TRIM67: variants seen among roughly 807,000 people sequenced by gnomAD.
TRIM67 encodes tripartite motif-containing protein 67.
A neutral mutation model predicts 71.0 loss-of-function variants in TRIM67; 39 were observed. The ratio of observed to expected loss-of-function variants is 0.55; its 90% CI spans 0.43 to 0.72. TRIM67 has a LOEUF of 0.72. TRIM67 is among the 30% of genes least tolerant of loss of function. TRIM67 has a pLI of 0.00. For synonymous variants in TRIM67, 481 were observed against 473.9 expected (o/e 1.01, Z -0.19); for missense variants, 973 against 1,079.2 (o/e 0.90, Z 1.38).
chr1:231,202,817 A>C (rs986998488), intron 5 of TRIM67, among the ~76,000 whole-genome samples: 1 of 152,152 alleles, frequency 6.6e-6, no homozygotes, highest in Non-Finnish European at 1.5e-5. Context: ...AGCCTGGCAG[A>C]GTGGATGAGC....
At chr1:231,186,306 T>C in intron 1 of TRIM67, 1 of 717,348 alleles carries the variant, frequency 1.4e-6, no homozygotes, top group Non-Finnish European at 2.3e-6. Context: ...AAATCGGGCC[T>C]GACCTGGATT....
rs1302644703 is a variant in TRIM67, at chr1:231,219,972, CATGGTATGAGTGGGGGCCA to C, written c.*4535_*4553del. The C allele has an allele frequency of 4.9e-5, 63 of 1,289,220 alleles. No individual in the cohort carries two copies. Among genetic ancestry groups the C allele is most frequent in the Middle Eastern group, 4.3e-4 (2 of 4,694 alleles). 79.9% of individuals were successfully genotyped at this position (1,289,220 alleles called of 1,614,324 possible). A position where few individuals can be genotyped will look rare whatever the true frequency, so the allele number is the denominator to read the frequency against. On this transcript the variant is annotated 3_prime_UTR_variant, in exon 10 of 10. Transcript: ENST00000366653. ...TTTTAACCTGGCTTTAATAGTGATT[CATGGTATGAGTGGGGGCCA>C]ATCTCTTATCCTTTCTGTGCCTCAG...
chr1:231,170,927 T>G (rs1277442796), intron 1 of TRIM67, among the ~76,000 whole-genome samples: 1 of 152,356 alleles, frequency 6.6e-6, no homozygotes, highest in South Asian at 2.1e-4. Context: ...GCCTCCACCC[T>G]GCAGCATCAG....
rs753243398 is a variant in TRIM67 at position 231,162,946 on chromosome 1, G to T, written c.-24G>T. 1.2e-6 allele frequency: 2 copies of T among 1,606,020 alleles called. No individual in the cohort carries two copies. Among genetic ancestry groups the T allele is most frequent in the Non-Finnish European group, 1.7e-6 (2 of 1,177,494 alleles). On this transcript the variant is annotated 5_prime_UTR_variant, in exon 1 of 10. Transcript: ENST00000366653. ...TCCGGCCATTCATCCCCAGCGCAGA[G>T]CAGCGCTGGCAGCCGGCGCCGCGAT...
intron 1 of TRIM67, among the ~76,000 whole-genome samples, chr1:231,196,263 T>C (rs1683369464): frequency 6.6e-6 from 1 of 152,146 alleles, no homozygotes; most frequent in Non-Finnish European, 1.5e-5. Flanking sequence ...GACTCTGCTT[T>C]GTTCTATCCT....
Position 231,204,022 on chromosome 1 carries a change from T to C in TRIM67, c.1680+10T>C. ...CGGGGGACAGTTCCGGGTGAGGCCT[T>C]GCTGCTTATTTGGCGGGGATTGAGG... On this transcript the variant is annotated intron_variant, in intron 6 of 9. Transcript: ENST00000366653. 1 of 1,613,586 alleles carries C rather than the reference T, an allele frequency of 6.2e-7. No homozygotes were observed. Among genetic ancestry groups the C allele is most frequent in the African/African-American group, 1.3e-5 (1 of 75,050 alleles).
rs1558307358 is a variant in TRIM67 at position 231,209,233 on chromosome 1, C to T, written c.2106C>T (p.Cys702=). ...ACAACCGCAGCTGGTTCATGCACTGCAACTCCCACACCAACAGGTGCGATT... is the reference window on the plus strand; with the variant it reads ...ACAACCGCAGCTGGTTCATGCACTGTAACTCCCACACCAACAGGTGCGATT... ...VDNNRSWFMH[C]NSHTNRTEGG... is the part of the protein sequence containing the mutation. Residue 702 remains cysteine, a synonymous_variant, in exon 8 of 10, where the codon TGC becomes TGT. Transcript: ENST00000366653. This position sits in a 1 kb window ranked among gnomAD's most constrained non-coding sequence, Gnocchi z 4.1. 1.9e-6 allele frequency: 3 copies of T among 1,558,882 alleles called. No homozygotes were observed. The highest frequency in any genetic ancestry group is 2.6e-6 in the Non-Finnish European group (3 of 1,147,142).
rs937164465 is a variant in TRIM67 at position 231,216,626 on chromosome 1, G to A, written c.*1186G>A. ...ACGGCTCTGCCCTGATGCAGTGGGC[G>A]GGATCTCTGGGGAAGGCAGGAAATA... On this transcript the variant is annotated 3_prime_UTR_variant, in exon 10 of 10. Transcript: ENST00000366653. The A allele has an allele frequency of 1.6e-5, 16 of 985,456 alleles. No homozygotes were observed. The highest frequency in any genetic ancestry group is 9.4e-5 in the South Asian group (2 of 21,292). 61.0% of individuals were successfully genotyped at this position (985,456 alleles called of 1,614,324 possible).
At chr1:231,172,639 G>A (rs775295585) in intron 1 of TRIM67, among the ~76,000 whole-genome samples, 1 of 152,198 alleles carries the variant, frequency 6.6e-6, no homozygotes, top group African/African-American at 2.4e-5. Context: ...CAGAAGGAGA[G>A]GCTGGGCCTT....
intron 1 of TRIM67, among the ~76,000 whole-genome samples, chr1:231,195,050 G>A (rs924910635): frequency 2.6e-5 from 4 of 152,284 alleles, no homozygotes; most frequent in Admixed American, 2.6e-4. Context: ...TTTGATGTCA[G>A]TAGGTTATGT....
chr1:231,169,993 C>CTTTTTTTTTTTTTTTTTTTTTTTTTTTT (rs369558747), intron 1 of TRIM67, among the ~76,000 whole-genome samples: 34 of 136,126 alleles, frequency 2.5e-4, no homozygotes, highest in African/African-American at 5.8e-4. Flanking sequence ...TTCTTTCTCT[C>CTTTTTTTTTTTTTTTTTTTTTTTTTTTT]TTTTTTTTTT....
In TRIM67 at chr1:231,218,885, CT is replaced by C. The variant is rs1684077012; in HGVS notation, c.*3446del. ...GCCCTTTCTCTCCCTCTTGGTGCCCCTGCCCTCCGCCCCACCACAGCACTCT... is the reference window on the plus strand; with the variant it reads ...GCCCTTTCTCTCCCTCTTGGTGCCCCGCCCTCCGCCCCACCACAGCACTCT... On this transcript the variant is annotated 3_prime_UTR_variant, in exon 10 of 10. Transcript: ENST00000366653. 1.0e-6 allele frequency: 1 copy of C among 985,582 alleles called. No individual in the cohort carries two copies. The highest frequency in any genetic ancestry group is 1.2e-6 in the Non-Finnish European group (1 of 830,008). 61.1% of individuals were successfully genotyped at this position (985,582 alleles called of 1,614,324 possible). A position where few individuals can be genotyped will look rare whatever the true frequency, so the allele number is the denominator to read the frequency against.
Position 231,218,935 on chromosome 1 carries a change from T to C in TRIM67, c.*3495T>C, listed in dbSNP as rs1571910232. ...CTCAGGAAAGGATCAGAATGCAGGATCTTTGTGTATTTCTTCCAGGGATAT... is the reference window on the plus strand; with the variant it reads ...CTCAGGAAAGGATCAGAATGCAGGACCTTTGTGTATTTCTTCCAGGGATAT... On this transcript the variant is annotated 3_prime_UTR_variant, in exon 10 of 10. Coordinates refer to ENST00000366653, the MANE Select transcript of TRIM67 (RefSeq NM_001004342.5). 1.6e-5 allele frequency: 16 copies of C among 985,444 alleles called. No homozygotes were observed. Among genetic ancestry groups the C allele is most frequent in the Non-Finnish European group, 1.8e-5 (15 of 829,932 alleles). 61.0% of individuals were successfully genotyped at this position (985,444 alleles called of 1,614,324 possible).
intron 1 of TRIM67, among the ~76,000 whole-genome samples, chr1:231,166,040 A>T (rs1370990365): frequency 6.6e-6 from 1 of 152,230 alleles, no homozygotes; most frequent in Non-Finnish European, 1.5e-5. Flanking sequence ...ATCATTGGTC[A>T]TCCCTGGCTT....
chr1:231,202,985 G>C (rs1016287370), intron 5 of TRIM67, among the ~76,000 whole-genome samples: 1 of 152,096 alleles, frequency 6.6e-6, no homozygotes, highest in Admixed American at 6.5e-5. Context: ...GAGAGGAAGC[G>C]GGAGAGCAGA....
At chr1:231,191,100 G>A (rs1683218274) in intron 1 of TRIM67, among the ~76,000 whole-genome samples, 1 of 152,208 alleles carries the variant, frequency 6.6e-6, no homozygotes, top group Non-Finnish European at 1.5e-5. Flanking sequence ...TTTTCACTCT[G>A]TCACCCAGGC....
intron 1 of TRIM67, among the ~76,000 whole-genome samples, chr1:231,174,905 A>T (rs1227706638): frequency 2.6e-5 from 4 of 152,248 alleles, no homozygotes; most frequent in Non-Finnish European, 4.4e-5. Context: ...ATACAACCAA[A>T]GAGAGCTAGG....
intron 6 of TRIM67, among the ~76,000 whole-genome samples, chr1:231,205,212 T>G (rs564033664): frequency 3.9e-5 from 6 of 152,216 alleles, no homozygotes; most frequent in Non-Finnish European, 7.3e-5. Flanking sequence ...CTAGGGTTTA[T>G]AAGGAAGAGG....
rs149953737 is a variant in TRIM67 at position 231,165,385 on chromosome 1, G to A, written c.1044+1372G>A. Among the ~76,000 whole-genome samples the A allele has an allele frequency of 1.2e-3, 188 of 152,344 alleles. 1 individual carries two copies. The highest frequency in any genetic ancestry group is 4.4e-3 in the African/African-American group (181 of 41,584). ...AAATACCAAACTTAAGACAATTGCGGTAAGGATTAAGTATAATACTGTATG... is the reference window on the plus strand; with the variant it reads ...AAATACCAAACTTAAGACAATTGCGATAAGGATTAAGTATAATACTGTATG... On this transcript the variant is annotated intron_variant, in intron 1 of 9. Transcript: ENST00000366653.
Sources: allele counts gnomAD v4.1 joint callset (sites outside exome capture counted in the v4.1 genomes callset), GRCh38; gene constraint gnomAD v4.1.1; non-coding constraint Gnocchi (gnomAD v3.1); transcripts MANE v1.5; gene names NCBI Gene and HGNC (gene_info 2026-07-23, HGNC 2026-07-21).